Variants in ACADM observed in about 807,000 individuals in gnomAD.
The protein encoded by ACADM is acyl-CoA dehydrogenase medium chain.
Under a neutral mutation model 58.9 loss-of-function variants are expected in ACADM, and 49 were observed. The ratio of observed to expected loss-of-function variants is 0.83; its 90% CI spans 0.66 to 1.06. The LOEUF (loss-of-function observed/expected upper bound fraction) is 1.06. ACADM is among the 50% of genes least tolerant of loss of function. ACADM has a pLI of 0.00. For synonymous variants in ACADM, 160 were observed against 157.7 expected (o/e 1.01, Z -0.11); for missense variants, 496 against 507.0 (o/e 0.98, Z 0.21).
At chr1:75,761,084 C>A in intron 10 of ACADM, 38 bp from the exon 11 acceptor site, 1 of 1,587,806 alleles carries the variant, frequency 6.3e-7, no homozygotes, top group Non-Finnish European at 8.6e-7. Context: ...TAAGTTTTCT[C>A]AATAAATATC....
chr1:75,757,140 A>G (rs574412172), intron 10 of ACADM, among the ~76,000 whole-genome samples: 6 of 152,244 alleles, frequency 3.9e-5, no homozygotes, highest in Non-Finnish European at 8.8e-5. Flanking sequence ...TTCAGGACAT[A>G]GACATGGGCA....
At chr1:75,760,304 C>T (rs146702788) in intron 10 of ACADM, among the ~76,000 whole-genome samples, 91 of 147,074 alleles carry the variant, frequency 6.2e-4, no homozygotes, top group African/African-American at 2.1e-3. Flanking sequence ...GTGGCACACG[C>T]CCAGCTACTC....
chr1:75,749,405 A>T lies in ACADM; in HGVS notation c.709-14A>T. The T allele has an allele frequency of 6.2e-7, 1 of 1,613,128 alleles. No individual in the cohort carries two copies. Among genetic ancestry groups the T allele is most frequent in the South Asian group, 1.1e-5 (1 of 90,844 alleles). On this transcript the variant is annotated splice_polypyrimidine_tract_variant and intron_variant, in intron 8 of 11. Transcript: ENST00000370841. The stretch of plus-strand genomic sequence containing the variant: ...CAAAAAAAATTCCTTAAAATATATC[A>T]ATTTTCTTATTAGGAATTAAACATG...
chr1:75,762,097 T>G lies in ACADM; in HGVS notation c.1195-595T>G, dbSNP rs116529512. Among the ~76,000 whole-genome samples the G allele has an allele frequency of 6.2e-3, 944 of 152,340 alleles. 12 individuals carry two copies. The highest frequency in any genetic ancestry group is 0.022 in the African/African-American group (908 of 41,566). On this transcript the variant is annotated intron_variant, in intron 11 of 11. Transcript: ENST00000370841. ...CCTTATCCAAAGTCACAGGTTTATG[T>G]GGTGATACTCTTCCTCTCCTAGAGC...
chr1:75,742,443 T>A (rs1647630557), intron 7 of ACADM, among the ~76,000 whole-genome samples: 1 of 152,162 alleles, frequency 6.6e-6, no homozygotes, highest in African/African-American at 2.4e-5. Context: ...GGCCCCACTA[T>A]AACGCAGGAA....
rs749529577 is a variant in ACADM at position 75,734,837 on chromosome 1, AT to A, written c.437del (p.Leu146TrpfsTer4). The stretch of plus-strand genomic sequence containing the variant: ...GGAAATGATCAACAAAAGAAGAAGT[AT>A]TTGGGGAGAATGACTGAGGAGCCAT... ...IAGNDQQKKKYLGRMTEEPLM... is the reference protein window; with the variant it reads ...IAGNDQQKKKXLGRMTEEPLM... On this transcript the variant is annotated frameshift_variant, in exon 6 of 12. Transcript: ENST00000370841. LOFTEE classifies it high-confidence loss of function. 4.3e-6 allele frequency: 7 copies of A among 1,613,952 alleles called. No homozygotes were observed. The highest frequency in any genetic ancestry group is 1.7e-5 in the Admixed American group (1 of 60,018).
chr1:75,750,063 A>G (rs912814452), intron 9 of ACADM, among the ~76,000 whole-genome samples: 8 of 152,098 alleles, frequency 5.3e-5, no homozygotes, highest in Non-Finnish European at 8.8e-5. Context: ...TTCTTACTAT[A>G]CATTATAGAA....
chr1:75,740,503 CAG>C (rs913371338), intron 7 of ACADM, among the ~76,000 whole-genome samples: 1 of 152,044 alleles, frequency 6.6e-6, no homozygotes, highest in African/African-American at 2.4e-5. Context: ...CAGAAATAAA[CAG>C]AGTCAGTCTT....
At chr1:75,729,757 G>A (rs949993364) in intron 2 of ACADM, among the ~76,000 whole-genome samples, 4 of 151,892 alleles carry the variant, frequency 2.6e-5, no homozygotes, top group African/African-American at 9.7e-5. Flanking sequence ...GCCTCCCAAA[G>A]TGCTGGGATT....
chr1:75,749,347 A>C, intron 8 of ACADM, 72 bp from the exon 9 acceptor site: 1 of 1,524,282 alleles, frequency 6.6e-7, no homozygotes, highest in South Asian at 1.1e-5. Flanking sequence ...GAAAGTCATG[A>C]AACAGTGATT....
chr1:75,744,488 CTG>C (rs1647776033), intron 7 of ACADM: 2 of 1,536,782 alleles, frequency 1.3e-6, no homozygotes, highest in East Asian at 4.5e-5. Context: ...TCTTCTGCAA[CTG>C]TGTCTCCAAC....
intron 10 of ACADM, among the ~76,000 whole-genome samples, chr1:75,760,454 G>A (rs1355227080): frequency 2.1e-5 from 3 of 145,196 alleles, no homozygotes; most frequent in African/African-American, 7.6e-5. Context: ...CAGCTACTTT[G>A]GGGGCTGAGG....
Position 75,761,231 on chromosome 1 carries a change from A to G in ACADM, c.1055A>G (p.Tyr352Cys), listed in dbSNP as rs1227800781. The part of the protein sequence containing the change: ...WEVDSGRRNT[Y>C]YASIAKAFAG... ...GTTGATTCTGGTCGTCGAAATACCT[A>G]TTATGCTTCTATTGCAAAGGCATTT... is the stretch of plus-strand genomic sequence containing the variant. The change falls in exon 11 of 12, where the codon TAT becomes TGT. Residue 352 changes from tyrosine to cysteine, a missense_variant. Physicochemically the swap from Tyr to Cys is radical, Grantham distance 194. Coordinates refer to ENST00000370841, the MANE Select transcript of ACADM (RefSeq NM_000016.6). 4 of 1,614,046 alleles carry G rather than the reference A, an allele frequency of 2.5e-6. No individual in the cohort carries two copies. Among genetic ancestry groups the G allele is most frequent in the African/African-American group, 1.3e-5 (1 of 74,926 alleles).
chr1:75,730,706 T>G (rs1223296751), intron 2 of ACADM, among the ~76,000 whole-genome samples: 2 of 152,054 alleles, frequency 1.3e-5, no homozygotes, highest in South Asian at 4.1e-4. Context: ...TTTAAATGTT[T>G]TGTTGAGACA....
chr1:75,760,264 C>CAAAAAAAAAAAAAA (rs764807575), intron 10 of ACADM, among the ~76,000 whole-genome samples: 2 of 51,192 alleles, frequency 3.9e-5, no homozygotes, highest in East Asian at 4.9e-4. Flanking sequence ...ACTAAAAATA[C>CAAAAAAAAAAAAAA]AAAAAAAAAA....
At chr1:75,761,878 T>TA (rs1257367074) in intron 11 of ACADM, among the ~76,000 whole-genome samples, 1 of 152,238 alleles carries the variant, frequency 6.6e-6, no homozygotes, top group African/African-American at 2.4e-5. Flanking sequence ...GTGGCTTAAG[T>TA]AATTACTTAA....
At chr1:75,728,326 T>C in intron 1 of ACADM, 75 bp from the exon 2 acceptor site, 1 of 1,242,642 alleles carries the variant, frequency 8.0e-7, no homozygotes, top group Non-Finnish European at 1.2e-6. Context: ...TGTACTCACT[T>C]ATGATTATCA....
At chr1:75,724,906 C>A (rs1046526722) in intron 1 of ACADM, 89 bp downstream of exon 1, 4 of 1,295,154 alleles carry the variant, frequency 3.1e-6, no homozygotes, top group Non-Finnish European at 4.0e-6. Context: ...TAGGTGCGGC[C>A]GGGAGGAGTG....
chr1:75,744,185 G>C (rs3737572), intron 7 of ACADM: 1 of 1,572,026 alleles, frequency 6.4e-7, no homozygotes, highest in Non-Finnish European at 8.8e-7. Flanking sequence ...TGCAGACACA[G>C]GTTTGCTAGA....
Sources: gnomAD v4.1 joint callset for allele counts (sites outside exome capture counted in the v4.1 genomes callset) on GRCh38, gnomAD v4.1.1 for gene constraint, MANE v1.5 for transcripts, NCBI Gene and HGNC (gene_info 2026-07-23, HGNC 2026-07-21) for gene names.